Variants in NEGR1 observed in about 807,000 individuals in gnomAD.
NEGR1 encodes IgLON family member 4.
A neutral mutation model predicts 40.9 loss-of-function variants in NEGR1; 10 were observed. The observed-to-expected ratio is 0.24, with a 90% confidence interval of 0.15 to 0.42. The LOEUF (loss-of-function observed/expected upper bound fraction) is 0.42. NEGR1 is among the 10% of genes least tolerant of loss of function. NEGR1 has a pLI of 1.00. For synonymous variants in NEGR1, 185 were observed against 166.8 expected (o/e 1.11, Z -0.84); for missense variants, 352 against 438.9 (o/e 0.80, Z 1.77).
At chr1:72,136,716 G>C (rs1570023481) in intron 1 of NEGR1, among the ~76,000 whole-genome samples, 1 of 145,722 alleles carries the variant, frequency 6.9e-6, no homozygotes, top group African/African-American at 2.5e-5. Context: ...AATACCAAAA[G>C]CAATGGCAAC....
intron 6 of NEGR1, among the ~76,000 whole-genome samples, chr1:71,465,573 G>T (rs976706826): frequency 3.3e-5 from 5 of 151,882 alleles, no homozygotes; most frequent in African/African-American, 1.2e-4. Context: ...AAAAACTTGG[G>T]TCTCCATGAA....
chr1:71,896,774 A>G (rs1228358842), intron 2 of NEGR1, among the ~76,000 whole-genome samples: 2 of 152,172 alleles, frequency 1.3e-5, no homozygotes, highest in Non-Finnish European at 2.9e-5. Context: ...TTGGAAATCC[A>G]GTGGTTCCCA....
At chr1:72,133,526 C>T (rs1364786509) in intron 1 of NEGR1, among the ~76,000 whole-genome samples, 3 of 151,882 alleles carry the variant, frequency 2.0e-5, no homozygotes, top group African/African-American at 7.2e-5. Flanking sequence ...CAAAATTGCT[C>T]AAATGTACTA....
chr1:71,796,573 G>A (rs1022974311), intron 2 of NEGR1, among the ~76,000 whole-genome samples: 3 of 152,052 alleles, frequency 2.0e-5, no homozygotes, highest in African/African-American at 7.2e-5. Context: ...GTTTTGTTTT[G>A]TTTTGTTTTG....
At chr1:71,522,431 A>C (rs2101431682) in intron 6 of NEGR1, among the ~76,000 whole-genome samples, 2 of 151,962 alleles carry the variant, frequency 1.3e-5, no homozygotes, top group Admixed American at 1.3e-4. Flanking sequence ...GTATAATCTC[A>C]TTTTAAAATC....
chr1:71,560,952 A>T (rs1327606808), intron 6 of NEGR1, among the ~76,000 whole-genome samples: 1 of 151,570 alleles, frequency 6.6e-6, no homozygotes, highest in African/African-American at 2.4e-5. Flanking sequence ...GCTCCACTTC[A>T]TACTTGCTTA....
chr1:71,559,634 A>C (rs1648375710), intron 6 of NEGR1, among the ~76,000 whole-genome samples: 1 of 151,668 alleles, frequency 6.6e-6, no homozygotes, highest in Non-Finnish European at 1.5e-5. Context: ...GTCCTTTAAA[A>C]GAAAAACAAA....
chr1:71,570,525 A>G (rs1302134569), intron 6 of NEGR1, among the ~76,000 whole-genome samples: 1 of 152,148 alleles, frequency 6.6e-6, no homozygotes, highest in Non-Finnish European at 1.5e-5. Flanking sequence ...GCAATACAAA[A>G]TCACTGTATT....
Position 71,942,483 on chromosome 1 carries a change from ATTTTTTTTTTTTTTTTTTTTT to A in NEGR1, c.177-7193_177-7173del, listed in dbSNP as rs1162818244. ...TATATATATATATATATATATATAT[ATTTTTTTTTTTTTTTTTTTTT>A]TTTTTTTTTTTTTTTGAGACGGAGT... On this transcript the variant is annotated intron_variant, in intron 1 of 6. Transcript: ENST00000357731. Among the ~76,000 whole-genome samples, 72 of 18,604 alleles carry A rather than the reference ATTTTTTTTTTTTTTTTTTTTT, an allele frequency of 3.9e-3. 1 individual carries two copies. Among genetic ancestry groups the A allele is most frequent in the African/African-American group, 0.013 (70 of 5,254 alleles). The allele number at this position is 18,604 out of a possible 152,430, so 12.2% of individuals were successfully genotyped here.
chr1:71,882,923 T>A (rs1240697097), intron 2 of NEGR1, among the ~76,000 whole-genome samples: 1 of 152,086 alleles, frequency 6.6e-6, no homozygotes, highest in Admixed American at 6.5e-5. Context: ...GTTGTACAGA[T>A]GGGAGAAAAT....
Position 71,401,355 on chromosome 1 carries a change from A to G in NEGR1, c.*6091T>C, listed in dbSNP as rs2101248631. On this transcript the variant is annotated 3_prime_UTR_variant, in exon 7 of 7. Transcript: ENST00000357731. Reference sequence around the variant, plus strand: ...TATAAATGTGTATGTTCTTTAAATTATCCTTTTATCTGGTTGTAATGTCTT... The same window carrying G: ...TATAAATGTGTATGTTCTTTAAATTGTCCTTTTATCTGGTTGTAATGTCTT... 6.6e-6 allele frequency: 1 copy of G among 152,274 alleles called. No individual in the cohort carries two copies. The highest frequency in any genetic ancestry group is 1.5e-5 in the Non-Finnish European group (1 of 68,010). 9.4% of individuals were successfully genotyped at this position (152,274 alleles called of 1,614,324 possible). A position where few individuals can be genotyped will look rare whatever the true frequency, so the allele number is the denominator to read the frequency against.
chr1:71,727,942 GATTAGAAAGAGACAC>G (rs1654726243), intron 3 of NEGR1, among the ~76,000 whole-genome samples: 1 of 152,128 alleles, frequency 6.6e-6, no homozygotes, highest in Admixed American at 6.6e-5. Context: ...GAGAGGCTGG[GATTAGAAAGAGACAC>G]ATTAGAAAGA....
chr1:71,684,134 G>C (rs530461715), intron 4 of NEGR1, among the ~76,000 whole-genome samples: 8 of 152,122 alleles, frequency 5.3e-5, no homozygotes, highest in Non-Finnish European at 7.4e-5. Context: ...GCCGGGCGTG[G>C]TGGTGGGCGC....
chr1:71,690,293 C>T (rs1293704177), intron 4 of NEGR1, among the ~76,000 whole-genome samples: 1 of 151,860 alleles, frequency 6.6e-6, no homozygotes. Context: ...AGAATTCAAT[C>T]CATAAATTAT....
chr1:72,281,399 T>C (rs546591819), intron 1 of NEGR1, among the ~76,000 whole-genome samples: 1 of 148,428 alleles, frequency 6.7e-6, no homozygotes, highest in South Asian at 2.1e-4. Flanking sequence ...TGCCAGTGCA[T>C]GTGAGGATGT....
intron 3 of NEGR1, among the ~76,000 whole-genome samples, chr1:71,733,304 C>T (rs1417999579): frequency 6.6e-6 from 1 of 152,032 alleles, no homozygotes; most frequent in Non-Finnish European, 1.5e-5. Context: ...TGAGGGTGGG[C>T]GTTGCTCAGA....
At chr1:71,636,191 G>T (rs1418119826) in intron 4 of NEGR1, among the ~76,000 whole-genome samples, 26 of 152,028 alleles carry the variant, frequency 1.7e-4, no homozygotes, top group Admixed American at 1.5e-3. Context: ...TCCTAATGAA[G>T]AAATATTGTT....
intron 4 of NEGR1, among the ~76,000 whole-genome samples, chr1:71,614,500 T>A (rs1367315980): frequency 6.6e-6 from 1 of 152,222 alleles, no homozygotes; most frequent in African/African-American, 2.4e-5. Flanking sequence ...ATTATGACAC[T>A]GCTCATGACA....
intron 4 of NEGR1, among the ~76,000 whole-genome samples, chr1:71,665,373 A>G (rs1209036794): frequency 1.3e-5 from 2 of 152,180 alleles, no homozygotes; most frequent in African/African-American, 4.8e-5. Flanking sequence ...TATGTTAAAC[A>G]TGGGGAAATG....
Sources: allele counts gnomAD v4.1 joint callset (sites outside exome capture counted in the v4.1 genomes callset), GRCh38; gene constraint gnomAD v4.1.1; transcripts MANE v1.5; gene names NCBI Gene and HGNC (gene_info 2026-07-23, HGNC 2026-07-21).